PCDH11X: variants seen among roughly 807,000 people sequenced by gnomAD.
PCDH11X encodes the protein protocadherin 11 X-linked, also known as protocadherin-11 X-linked.
In PCDH11X, 18 loss-of-function variants were observed where a neutral mutation model predicts 53.3. The ratio of observed to expected loss-of-function variants is 0.34; its 90% confidence interval spans 0.23 to 0.50. The LOEUF is 0.50. PCDH11X is among the 20% of genes least tolerant of loss of function. The pLI is 0.98. For missense variants in PCDH11X, 570 were observed against 1,032.4 expected (o/e 0.55, Z 6.14); for synonymous variants, 279 against 393.3 (o/e 0.71, Z 3.44).
intron 1 of PCDH11X, among the ~76,000 whole-genome samples, chrX:91,804,014 T>A (rs1307473259): frequency 9.0e-6 from 1 of 111,681 alleles, no homozygotes; most frequent in East Asian, 2.8e-4. Flanking sequence ...TCCCCACTGT[T>A]GGCTAAATTG....
At chrX:92,441,241 T>A (rs1412525998) in intron 9 of PCDH11X, among the ~76,000 whole-genome samples, 1 of 108,703 alleles carries the variant, frequency 9.2e-6, no homozygotes, top group East Asian at 2.9e-4. Context: ...GACAATTTGA[T>A]AGAAAAGAAA....
rs754222830 is a variant in PCDH11X, at chrX:92,233,231, G to GT, written c.3115-29875dup. On this transcript the variant is annotated intron_variant, in intron 7 of 10. Transcript: ENST00000682573. ...AATAACGTTTTATCTCACTGATTATGTTTTTTTTATCCTATTGTCATACTT... is the reference window on the plus strand; with the variant it reads ...AATAACGTTTTATCTCACTGATTATGTTTTTTTTTATCCTATTGTCATACTT... Among the ~76,000 whole-genome samples, 763 of 109,548 alleles carry GT rather than the reference G, an allele frequency of 7.0e-3. 6 individuals are homozygous for GT. The highest frequency in any genetic ancestry group is 0.01 in the Non-Finnish European group (543 of 52,444).
At chrX:92,302,035 AG>A (rs1297262552) in intron 8 of PCDH11X, among the ~76,000 whole-genome samples, 1 of 111,455 alleles carries the variant, frequency 9.0e-6, no homozygotes, top group Non-Finnish European at 1.9e-5. Context: ...AGTGAAGGCA[AG>A]GCAGATTGGG....
chrX:92,437,011 G>A (rs1332870686), intron 9 of PCDH11X, among the ~76,000 whole-genome samples: 1 of 106,107 alleles, frequency 9.4e-6, no homozygotes, highest in African/African-American at 3.4e-5. Flanking sequence ...TTGATTGTTT[G>A]TAACACAAAG....
rs765752555 is a variant in PCDH11X, at chrX:91,879,031, G to A, written c.2791G>A (p.Asp931Asn). The A allele has an allele frequency of 9.9e-5, 120 of 1,209,150 alleles. No individual in the cohort carries two copies. The highest frequency in any genetic ancestry group is 1.3e-4 in the Non-Finnish European group (114 of 895,064). Residue 931 changes from aspartate (D) to asparagine (N), a missense_variant, in exon 6 of 11, where the codon GAC (aspartate) becomes AAC (asparagine). Physicochemically the swap from Asp to Asn is conservative, Grantham distance 23. Around this residue, in one of 6 missense-constraint regions of PCDH11X, gnomAD observed 226 missense variants for 457.5 expected, o/e 0.49. Transcript: ENST00000682573. Reference protein sequence around the residue: ...WVTTPTTFKPDSPDLARHYKS... With the variant: ...WVTTPTTFKPNSPDLARHYKS... Reference sequence around the variant, plus strand: ...AACTACACCTACTACTTTCAAGCCCGACAGCCCTGATTTGGCCCGACACTA... The same window carrying A: ...AACTACACCTACTACTTTCAAGCCCAACAGCCCTGATTTGGCCCGACACTA...
intron 6 of PCDH11X, among the ~76,000 whole-genome samples, chrX:92,086,874 T>C (rs1236460370): frequency 9.1e-6 from 1 of 110,031 alleles, no homozygotes; most frequent in Non-Finnish European, 1.9e-5. Flanking sequence ...GCAAATCATA[T>C]AATAAACAAA....
At chrX:92,157,967 C>A (rs1352263806) in intron 6 of PCDH11X, among the ~76,000 whole-genome samples, 2 of 111,494 alleles carry the variant, frequency 1.8e-5, no homozygotes, top group African/African-American at 6.5e-5. Flanking sequence ...GTAATCCCAG[C>A]ACTTTGGGGG....
At chrX:91,815,272 A>C (rs1376025066) in intron 4 of PCDH11X, among the ~76,000 whole-genome samples, 1 of 112,147 alleles carries the variant, frequency 8.9e-6, no homozygotes, top group East Asian at 2.8e-4. Context: ...TCAGTAGGGT[A>C]TAAAAACATT....
At position 92,100,639 on chromosome X, in the gene PCDH11X, C is replaced by A. The variant is rs746858430; in HGVS notation, c.3034-100736C>A. Among the ~76,000 whole-genome samples the A allele has an allele frequency of 5.9e-4, 65 of 110,150 alleles. 2 individuals are homozygous for A. Among genetic ancestry groups the A allele is most frequent in the African/African-American group, 2.2e-3 (65 of 29,430 alleles). On this transcript the variant is annotated intron_variant, in intron 6 of 10. Transcript: ENST00000682573. ...TTACTTCCGGCCATCTGGTCGTATCCGTGCAAGTCACAGGGGATGCGATGG... is the reference window on the plus strand; with the variant it reads ...TTACTTCCGGCCATCTGGTCGTATCAGTGCAAGTCACAGGGGATGCGATGG...
chrX:92,129,168 G>A (rs1276368886), intron 6 of PCDH11X, among the ~76,000 whole-genome samples: 12 of 110,160 alleles, frequency 1.1e-4, no homozygotes, highest in Admixed American at 2.9e-4. Context: ...CGAGGCAGGC[G>A]GATCATGAGG....
chrX:91,830,195 T>C (rs1384749608), intron 4 of PCDH11X, among the ~76,000 whole-genome samples: 1 of 111,783 alleles, frequency 8.9e-6, no homozygotes, highest in Non-Finnish European at 1.9e-5. Flanking sequence ...TTTGAAACCC[T>C]GTTAGAGAAC....
intron 6 of PCDH11X, among the ~76,000 whole-genome samples, chrX:92,148,132 T>TTC (rs2065353373): frequency 2.2e-3 from 14 of 6,463 alleles, no homozygotes; most frequent in Non-Finnish European, 3.4e-3. Flanking sequence ...CTTTCTTTCT[T>TTC]TTTCCTTCCT....
At chrX:92,060,910 T>TGAA (rs2063514827) in intron 6 of PCDH11X, among the ~76,000 whole-genome samples, 1 of 112,032 alleles carries the variant, frequency 8.9e-6, no homozygotes, top group African/African-American at 3.2e-5. Context: ...GCCAAACCAC[T>TGAA]TTCCAAAATT....
At position 92,621,698 on chromosome X, in the gene PCDH11X, A is replaced by G. The variant is rs1928514566; in HGVS notation, c.*2758A>G. ...TTTCTCTGACTGAATAGACAGTGGT[A>G]TAGGTTGACACAGCACACAAGTGGC... On this transcript the variant is annotated 3_prime_UTR_variant, in exon 11 of 11. Coordinates refer to ENST00000682573, the MANE Select transcript of PCDH11X (RefSeq NM_032968.5). 9.0e-6 allele frequency: 1 copy of G among 111,652 alleles called. No individual in the cohort carries two copies. Among genetic ancestry groups the G allele is most frequent in the Non-Finnish European group, 1.9e-5 (1 of 53,166 alleles). 9.2% of individuals were successfully genotyped at this position (111,652 alleles called of 1,213,427 possible). A position where few individuals can be genotyped will look rare whatever the true frequency, so the allele number is the denominator to read the frequency against.
intron 7 of PCDH11X, among the ~76,000 whole-genome samples, chrX:92,244,786 G>T (rs1383572439): frequency 8.9e-6 from 1 of 111,767 alleles, no homozygotes; most frequent in Non-Finnish European, 1.9e-5. Context: ...GAGGCAGTCT[G>T]CTCCCAGAGC....
intron 9 of PCDH11X, 66 bp downstream of exon 9, chrX:92,387,999 T>C: frequency 8.4e-7 from 1 of 1,185,957 alleles, no homozygotes; most frequent in Admixed American, 2.3e-5. Flanking sequence ...CAAGCTATCA[T>C]AGCCATAATA....
At chrX:92,309,473 A>C (rs1440408175) in intron 8 of PCDH11X, among the ~76,000 whole-genome samples, 1 of 111,488 alleles carries the variant, frequency 9.0e-6, no homozygotes, top group Non-Finnish European at 1.9e-5. Flanking sequence ...ATAGAAAGTA[A>C]GATGGTTGTT....
At chrX:92,552,356 G>A (rs2074974388) in intron 10 of PCDH11X, among the ~76,000 whole-genome samples, 2 of 107,625 alleles carry the variant, frequency 1.9e-5, no homozygotes, top group Admixed American at 1.0e-4. Flanking sequence ...TTCCTTGTTG[G>A]CATATAAAAA....
intron 6 of PCDH11X, among the ~76,000 whole-genome samples, chrX:92,003,729 A>G (rs1222780491): frequency 2.9e-5 from 3 of 102,178 alleles, no homozygotes; most frequent in African/African-American, 1.1e-4. Context: ...TGCAGTATCA[A>G]TTATAATGCC....
Sources: allele counts gnomAD v4.1 joint callset (sites outside exome capture counted in the v4.1 genomes callset), GRCh38; gene constraint gnomAD v4.1.1; regional missense constraint gnomAD v4.1.1; transcripts MANE v1.5; gene names NCBI Gene and HGNC (gene_info 2026-07-23, HGNC 2026-07-21).